Variants in CDKL4 observed in about 807,000 individuals in gnomAD.
CDKL4 encodes cyclin-dependent kinase-like 4.
In CDKL4, 44 loss-of-function variants were observed where a neutral mutation model predicts 42.0. The ratio of observed to expected loss-of-function variants is 1.05; its 90% CI spans 0.82 to 1.35. The LOEUF (loss-of-function observed/expected upper bound fraction) is 1.35. Among genes scored for constraint, CDKL4 ranks in the 40% most tolerant of loss-of-function variants. The pLI is 0.00. For synonymous variants in CDKL4, 120 were observed against 121.6 expected, an observed-to-expected ratio of 0.99 and a Z score of 0.09; for missense variants, 393 against 369.9, an observed-to-expected ratio of 1.06 and a Z score of -0.51.
downstream of CDKL4, among the ~76,000 whole-genome samples, chr2:39,171,330 G>A (rs1165180281): frequency 6.6e-6 from 1 of 151,776 alleles, no homozygotes; most frequent in African/African-American, 2.4e-5. Context: ...TAATTTAGAA[G>A]GAAAAAAAAC....
chr2:39,207,296 G>C (rs923319407), intron 4 of CDKL4, among the ~76,000 whole-genome samples: 2 of 152,132 alleles, frequency 1.3e-5, no homozygotes, highest in South Asian at 4.1e-4. Context: ...GAGATGGGAG[G>C]ATGGCTTGTG....
intron 1 of CDKL4, among the ~76,000 whole-genome samples, chr2:39,231,046 C>A (rs1165713213): frequency 6.6e-6 from 1 of 152,086 alleles, no homozygotes; most frequent in African/African-American, 2.4e-5. Context: ...CCTGTCTCTA[C>A]TAAAAACACC....
intron 4 of CDKL4, among the ~76,000 whole-genome samples, chr2:39,210,884 C>G (rs1677547191): frequency 1.3e-5 from 2 of 152,142 alleles, no homozygotes; most frequent in Non-Finnish European, 2.9e-5. Context: ...AAAATAAAAG[C>G]TTTTGATTTA....
At chr2:39,173,869 A>G (rs1258979542), downstream of CDKL4, among the ~76,000 whole-genome samples, 2 of 149,430 alleles carry the variant, frequency 1.3e-5, no homozygotes, top group African/African-American at 4.9e-5. Flanking sequence ...TGTAGTCCCA[A>G]TTACTTGAGA....
downstream of CDKL4, among the ~76,000 whole-genome samples, chr2:39,171,792 C>T (rs1263524751): frequency 6.6e-6 from 1 of 152,140 alleles, no homozygotes; most frequent in Non-Finnish European, 1.5e-5. Context: ...CACGAAGAGG[C>T]GGAGCACAGA....
intron 1 of CDKL4, among the ~76,000 whole-genome samples, chr2:39,237,549 C>T (rs376324745): frequency 6.6e-5 from 10 of 152,110 alleles, no homozygotes; most frequent in Admixed American, 6.5e-4. Flanking sequence ...AAATTAAAGG[C>T]ATATACATTG....
At chr2:39,202,853 A>T (rs181775627) in intron 5 of CDKL4, among the ~76,000 whole-genome samples, 2 of 152,360 alleles carry the variant, frequency 1.3e-5, no homozygotes, top group East Asian at 3.9e-4. Flanking sequence ...AATGGCCAAC[A>T]ATGACCCCAG....
intron 4 of CDKL4, among the ~76,000 whole-genome samples, chr2:39,210,273 G>A (rs560714893): frequency 2.0e-5 from 3 of 152,302 alleles, no homozygotes; most frequent in Admixed American, 1.3e-4. Context: ...TTACAGGCTT[G>A]AGCCACCACA....
intron 5 of CDKL4, among the ~76,000 whole-genome samples, chr2:39,190,825 A>T (rs1369593019): frequency 6.6e-6 from 1 of 152,162 alleles, no homozygotes; most frequent in Admixed American, 6.5e-5. Flanking sequence ...TACCATCAGC[A>T]TGGTGGTTGT....
chr2:39,170,826 T>TA (rs1162975499), downstream of CDKL4, among the ~76,000 whole-genome samples: 4 of 151,860 alleles, frequency 2.6e-5, no homozygotes, highest in Non-Finnish European at 4.4e-5. Flanking sequence ...AGTTTTTAAT[T>TA]AAAAAAAAAT....
chr2:39,228,993 G>C (rs934363939), intron 2 of CDKL4, among the ~76,000 whole-genome samples: 1 of 152,146 alleles, frequency 6.6e-6, no homozygotes, highest in Non-Finnish European at 1.5e-5. Flanking sequence ...GCATTGGTGC[G>C]GTCCTGTGGG....
intron 4 of CDKL4, among the ~76,000 whole-genome samples, chr2:39,204,863 CTG>C (rs2148334117): frequency 6.6e-6 from 1 of 151,532 alleles, no homozygotes; most frequent in South Asian, 2.1e-4. Flanking sequence ...TATATAAAAA[CTG>C]TCTTTTTTTT....
intron 3 of CDKL4, among the ~76,000 whole-genome samples, chr2:39,217,724 ATTTATTTATTTATTT>A: frequency 7.0e-6 from 1 of 142,044 alleles, no homozygotes; most frequent in Middle Eastern, 3.6e-3. Context: ...TTATTTATTT[ATTTATTTATTTATTT>A]ATTTATTTTT....
At chr2:39,229,800 T>C (rs1185847749) in intron 1 of CDKL4, among the ~76,000 whole-genome samples, 1 of 152,242 alleles carries the variant, frequency 6.6e-6, no homozygotes, top group African/African-American at 2.4e-5. Flanking sequence ...TTTCTGACAA[T>C]GGTTCTATGT....
intron 5 of CDKL4, among the ~76,000 whole-genome samples, chr2:39,193,627 G>A (rs1044719168): frequency 1.3e-5 from 2 of 152,036 alleles, no homozygotes; most frequent in Admixed American, 6.6e-5. Context: ...TGCCTGCCTT[G>A]GCCTCCCAAA....
intron 5 of CDKL4, among the ~76,000 whole-genome samples, chr2:39,202,655 TA>T (rs34812596): frequency 0.85 from 130,094 of 152,160 alleles, 56,014 homozygotes; most frequent in Non-Finnish European, 0.92. Flanking sequence ...AAGAGTTTTG[TA>T]AGCTTTATTT....
intron 5 of CDKL4, among the ~76,000 whole-genome samples, chr2:39,192,901 G>A (rs759489367): frequency 3.3e-5 from 5 of 151,960 alleles, no homozygotes; most frequent in Non-Finnish European, 5.9e-5. Flanking sequence ...AAAGGCAGGC[G>A]GATCGTGTGA....
chr2:39,207,376 C>A (rs1202848991), intron 4 of CDKL4, among the ~76,000 whole-genome samples: 2 of 151,994 alleles, frequency 1.3e-5, no homozygotes, highest in African/African-American at 4.8e-5. Context: ...CAGAGTGAGA[C>A]CCTGTCTCAA....
chr2:39,227,557 A>G (rs1281368760), intron 2 of CDKL4, among the ~76,000 whole-genome samples: 1 of 152,052 alleles, frequency 6.6e-6, no homozygotes, highest in African/African-American at 2.4e-5. Flanking sequence ...CTGAGACCCC[A>G]TCTCTCTAAG....
Sources: gnomAD v4.1 joint callset for allele counts (sites outside exome capture counted in the v4.1 genomes callset) on GRCh38, gnomAD v4.1.1 for gene constraint, MANE v1.5 for transcripts, NCBI Gene and HGNC (gene_info 2026-07-23, HGNC 2026-07-21) for gene names.